The following CFAP46 variants were observed in gnomAD, a reference collection of about 807,000 sequenced individuals.
CFAP46 encodes cilia- and flagella-associated protein 46.
CFAP46 carries 245 observed loss-of-function variants against 325.7 expected under a neutral mutation model. The ratio of observed to expected loss-of-function variants is 0.75; its 90% confidence interval spans 0.68 to 0.84. The LOEUF is 0.84. CFAP46 is among the 40% of genes least tolerant of loss of function. The pLI is 0.00. For missense variants in CFAP46, 3,346 were observed against 3,543.0 expected (o/e 0.94, Z 1.41); for synonymous variants, 1,523 against 1,495.9 (o/e 1.02, Z -0.42).
chr10:132,833,966 G>A, intron 49 of CFAP46, 75 bp downstream of exon 49: 1 of 1,400,422 alleles, frequency 7.1e-7, no homozygotes, highest in Non-Finnish European at 1.0e-6. Flanking sequence ...TCCCGGATGG[G>A]TGGGTGGATC....
intron 28 of CFAP46, among the ~76,000 whole-genome samples, chr10:132,880,469 GC>G (rs2135364935): frequency 6.6e-6 from 1 of 152,336 alleles, no homozygotes; most frequent in East Asian, 1.9e-4. Flanking sequence ...TGGCTGAGGT[GC>G]CCACAGGGTC....
intron 13 of CFAP46, among the ~76,000 whole-genome samples, chr10:132,920,616 T>C (rs893132642): frequency 6.6e-6 from 1 of 152,204 alleles, no homozygotes; most frequent in Non-Finnish European, 1.5e-5. Context: ...TCCTGGCAAA[T>C]AATCACGAGC....
At position 132,837,191 on chromosome 10, in the gene CFAP46, G is replaced by A. The variant is rs1374725753; in HGVS notation, c.6439-277C>T. 5 of 450,458 alleles carry A rather than the reference G, an allele frequency of 1.1e-5. No individual in the cohort carries two copies. In the East Asian group the frequency reaches 2.1e-4, roughly 19 times the overall value. The allele number at this position is 450,458 out of a possible 1,614,324, so 27.9% of individuals were successfully genotyped here. ...AGAAACCTGATTTGCATGACGCAAA[G>A]TGCATGTTCACCAAACCCAAAATAA... On this transcript the variant is annotated intron_variant, in intron 44 of 57. Coordinates refer to ENST00000368586, the MANE Select transcript of CFAP46 (RefSeq NM_001200049.3).
In CFAP46 at chr10:132,939,291, G is replaced by A. The variant is rs901053019; in HGVS notation, c.372-538C>T. Among the ~76,000 whole-genome samples the A allele has an allele frequency of 2.0e-5, 3 of 152,230 alleles. No individual in the cohort carries two copies. Among genetic ancestry groups the A allele is most frequent in the Non-Finnish European group, 4.4e-5 (3 of 68,028 alleles). ...AAGGGAGGAACCTTTGGGAAACAAA[G>A]TTCCCGTCTGCCAGCATAGAGTGTG... is the stretch of plus-strand genomic sequence containing the variant. On this transcript the variant is annotated intron_variant, in intron 4 of 57. Transcript: ENST00000368586. The surrounding 1 kb of genome is among the most constrained non-coding windows in gnomAD (Gnocchi z 4.6).
At chr10:132,920,235 G>A (rs770202688) in intron 13 of CFAP46, 53 bp from the exon 14 acceptor site, 10 of 1,479,380 alleles carry the variant, frequency 6.8e-6, no homozygotes, top group Admixed American at 2.5e-5. Context: ...AAGGGCCGGG[G>A]ACGTGCCCAT....
Position 132,859,254 on chromosome 10 carries a change from G to A in CFAP46, c.5199-7C>T. 2.6e-6 allele frequency: 4 copies of A among 1,545,890 alleles called. No homozygotes were observed. Among genetic ancestry groups the A allele is most frequent in the Non-Finnish European group, 3.5e-6 (4 of 1,145,880 alleles). ...GACCCGCAGGCTCAGGCACCTGACGGAGGGACGGTTTGGGGCCTGGAGTCA... is the reference window on the plus strand; with the variant it reads ...GACCCGCAGGCTCAGGCACCTGACGAAGGGACGGTTTGGGGCCTGGAGTCA... On this transcript the variant is annotated splice_region_variant and splice_polypyrimidine_tract_variant and intron_variant, in intron 37 of 57. Transcript: ENST00000368586.
chr10:132,893,539 T>C (rs1048662800), intron 24 of CFAP46, among the ~76,000 whole-genome samples: 2 of 152,178 alleles, frequency 1.3e-5, no homozygotes, highest in Admixed American at 6.5e-5. Flanking sequence ...TTCCCTTTTT[T>C]CTTCCTTTCT....
chr10:132,836,415 G>A (rs900183150), intron 45 of CFAP46, among the ~76,000 whole-genome samples, 197 bp from the exon 46 acceptor site: 6 of 152,154 alleles, frequency 3.9e-5, no homozygotes, highest in Admixed American at 2.6e-4. Context: ...TTGAGAACAC[G>A]CTGGGTCATG....
chr10:132,933,038 G>C (rs982184495), intron 8 of CFAP46, among the ~76,000 whole-genome samples: 4 of 152,220 alleles, frequency 2.6e-5, no homozygotes, highest in Non-Finnish European at 4.4e-5. Context: ...GCTGTTTCCC[G>C]GGGAGTAATC....
At chr10:132,821,871 G>A (rs1302604310) in intron 50 of CFAP46, among the ~76,000 whole-genome samples, 1 of 147,666 alleles carries the variant, frequency 6.8e-6, no homozygotes, top group Admixed American at 6.7e-5. Context: ...TGTGTGTGCT[G>A]TGTGCTGTGT....
intron 35 of CFAP46, among the ~76,000 whole-genome samples, chr10:132,864,575 G>C (rs1292299592): frequency 4.5e-5 from 4 of 88,656 alleles, no homozygotes; most frequent in East Asian, 6.7e-4. Flanking sequence ...GCAAACATCT[G>C]TCCCCCTGCC....
intron 50 of CFAP46, among the ~76,000 whole-genome samples, chr10:132,815,188 T>C (rs1210348361): frequency 1.3e-5 from 2 of 152,218 alleles, no homozygotes; most frequent in Non-Finnish European, 2.9e-5. Context: ...CACTGGGTAC[T>C]CACCAGTGTG....
rs117774050 is a variant in CFAP46 at position 132,919,235 on chromosome 10, T to C, written c.1858+80A>G. The C allele has an allele frequency of 0.039, 56,431 of 1,442,196 alleles. 1,352 individuals are homozygous for C. The highest frequency in any genetic ancestry group is 0.045 in the Non-Finnish European group (49,233 of 1,083,148). The allele number at this position is 1,442,196 out of a possible 1,614,324, so 89.3% of individuals were successfully genotyped here. On this transcript the variant is annotated intron_variant, in intron 15 of 57. Transcript: ENST00000368586. This position sits in a 1 kb window ranked among gnomAD's most constrained non-coding sequence, Gnocchi z 9.7. ...CATGCGAAGGCCCCATGGGTTGTCA[T>C]TGCACGAACCACAACCCTTCCCACA... is the stretch of plus-strand genomic sequence containing the variant.
intron 22 of CFAP46, 38 bp downstream of exon 22, chr10:132,908,430 G>C (rs910396301): frequency 1.3e-6 from 2 of 1,549,002 alleles, no homozygotes; most frequent in African/African-American, 2.7e-5. Flanking sequence ...CTCCCTGCCC[G>C]TTTTGAGGGA....
At chr10:132,811,085 G>A in intron 55 of CFAP46, 54 bp from the exon 56 acceptor site, 1 of 1,471,304 alleles carries the variant, frequency 6.8e-7, no homozygotes, top group Non-Finnish European at 9.2e-7. Flanking sequence ...GGGGAGTGGG[G>A]ATGGGGTGTG....
Position 132,846,088 on chromosome 10 carries a change from C to T in CFAP46, c.6407G>A (p.Arg2136His), listed in dbSNP as rs751063540. The T allele has an allele frequency of 1.4e-5, 23 of 1,599,536 alleles. No homozygotes were observed. The highest frequency in any genetic ancestry group is 6.7e-5 in the African/African-American group (5 of 74,756). ...QDRTTTSLGA[R>H]VEQRLAAVSK... Reference sequence around the variant, plus strand: ...CACGGCGGCCAGCCTCTGCTCCACACGGGCGCCCAGGCTGGTGGTGGTCCT... The same window carrying T: ...CACGGCGGCCAGCCTCTGCTCCACATGGGCGCCCAGGCTGGTGGTGGTCCT... The change falls in exon 44 of 58, where the codon CGT (arginine) becomes CAT (histidine). Residue 2136 changes from arginine to histidine, a missense_variant. Physicochemically the swap from Arg to His is conservative, Grantham distance 29. Transcript: ENST00000368586.
Position 132,827,460 on chromosome 10 carries a change from G to GT in CFAP46, c.7117+5897dup, listed in dbSNP as rs1848076884. Reference sequence around the variant, plus strand: ...CACATGTGCCCTTCTGCAAACTTCCGTGACACCGATGCAAATTTGCTCTTT... The same window carrying GT: ...CACATGTGCCCTTCTGCAAACTTCCGTTGACACCGATGCAAATTTGCTCTTT... On this transcript the variant is annotated intron_variant, in intron 50 of 57. Transcript: ENST00000368586. The surrounding 1 kb of genome is among the most constrained non-coding windows in gnomAD (Gnocchi z 5.7). Among the ~76,000 whole-genome samples the GT allele has an allele frequency of 6.6e-6, 1 of 151,876 alleles. No individual in the cohort carries two copies.
intron 50 of CFAP46, among the ~76,000 whole-genome samples, chr10:132,818,036 G>A (rs1762361509): frequency 6.6e-6 from 1 of 152,162 alleles, no homozygotes; most frequent in Non-Finnish European, 1.5e-5. Context: ...CCCCAGGATC[G>A]TCTCAAGTCT....
At chr10:132,842,107 G>A in intron 44 of CFAP46, among the ~76,000 whole-genome samples, 1 of 152,216 alleles carries the variant, frequency 6.6e-6, no homozygotes. Context: ...TTCTTTTGAT[G>A]ATAATTCCAT....
Sources: allele counts gnomAD v4.1 joint callset (sites outside exome capture counted in the v4.1 genomes callset), GRCh38; gene constraint gnomAD v4.1.1; non-coding constraint Gnocchi (gnomAD v3.1); transcripts MANE v1.5; gene names NCBI Gene and HGNC (gene_info 2026-07-23, HGNC 2026-07-21).